NAV2: variants seen among roughly 807,000 people sequenced by gnomAD.
The protein encoded by NAV2 is helicase, APC down-regulated 1.
In NAV2, 54 loss-of-function variants were observed where a neutral mutation model predicts 223.2. That is an observed-to-expected ratio of 0.24 (90% CI 0.19 to 0.30). The LOEUF is 0.30. Ranked by LOEUF, NAV2 falls within the 10% of genes least tolerant of loss-of-function variation. The probability of loss-of-function intolerance (pLI) is 1.00; values close to 1 mark genes in which losing one functional copy is unlikely to be tolerated. For missense variants in NAV2, 2,806 were observed against 3,147.5 expected (o/e 0.89, Z 2.60); for synonymous variants, 1,279 against 1,239.3 (o/e 1.03, Z -0.67).
rs577602158 is a variant in NAV2 at position 19,932,344 on chromosome 11, G to T, written c.932-832G>T. Reference sequence around the variant, plus strand: ...GTGTTTTGGTTTTTTGGTTTGTTTGGTTTTTTTCTGAGACAGAGTCTCACT... The same window carrying T: ...GTGTTTTGGTTTTTTGGTTTGTTTGTTTTTTTTCTGAGACAGAGTCTCACT... On this transcript the variant is annotated intron_variant, in intron 6 of 37. Coordinates refer to ENST00000349880, the MANE Select transcript of NAV2 (RefSeq NM_145117.5). Among the ~76,000 whole-genome samples the T allele has an allele frequency of 1.5e-4, 23 of 151,064 alleles. No individual in the cohort carries two copies. In the South Asian group the frequency reaches 3.6e-3, roughly 23 times the overall value.
chr11:19,682,713 C>T (rs2048912769), intron 1 of NAV2, among the ~76,000 whole-genome samples: 1 of 151,938 alleles, frequency 6.6e-6, no homozygotes, highest in Non-Finnish European at 1.5e-5. Flanking sequence ...ACAGAGAGGG[C>T]AGAGATGCCA....
intron 1 of NAV2, among the ~76,000 whole-genome samples, chr11:19,789,847 G>A (rs1255187197): frequency 6.6e-6 from 1 of 152,174 alleles, no homozygotes; most frequent in Non-Finnish European, 1.5e-5. Context: ...GCATGGAGAA[G>A]TAATGAAGAT....
chr11:19,892,932 A>G (rs1012308357), intron 6 of NAV2, among the ~76,000 whole-genome samples: 2 of 152,170 alleles, frequency 1.3e-5, no homozygotes, highest in Non-Finnish European at 2.9e-5. Flanking sequence ...TCAGAAATGC[A>G]AGCTTCTTGG....
At chr11:19,603,356 A>G (rs2046397678) in intron 1 of NAV2, among the ~76,000 whole-genome samples, 1 of 152,156 alleles carries the variant, frequency 6.6e-6, no homozygotes, top group African/African-American at 2.4e-5. Flanking sequence ...GGCCAGGCAC[A>G]GTGGCTTATG....
chr11:20,045,165 G>T lies in NAV2; in HGVS notation c.3397G>T (p.Ala1133Ser), dbSNP rs1422182655. ...KKQSGSAAGLAMITASGVTVT... is the reference protein window; with the variant it reads ...KKQSGSAAGLSMITASGVTVT... ...GCAGAGTGGTTCCGCCGCCGGCCTG[G>T]CCATGATCACAGCCAGCGGGGTGAC... is the stretch of plus-strand genomic sequence containing the variant. The change falls in exon 14 of 38, where the codon GCC (alanine) becomes TCC (serine). Residue 1133 changes from alanine (A) to serine (S), a missense_variant. Transcript: ENST00000349880. 11 of 1,614,022 alleles carry T rather than the reference G, an allele frequency of 6.8e-6. No homozygotes were observed. The highest frequency in any genetic ancestry group is 8.5e-6 in the Non-Finnish European group (10 of 1,180,030).
intron 1 of NAV2, among the ~76,000 whole-genome samples, chr11:19,695,964 C>A (rs1231904210): frequency 1.3e-5 from 2 of 148,208 alleles, no homozygotes; most frequent in African/African-American, 4.9e-5. Context: ...CTGACTAAGG[C>A]CTTGTTCACT....
chr11:19,951,005 G>A (rs2047351531), intron 10 of NAV2, among the ~76,000 whole-genome samples: 1 of 152,200 alleles, frequency 6.6e-6, no homozygotes, highest in African/African-American at 2.4e-5. Context: ...AGCCCTCTCT[G>A]TAATGGAGGT....
At chr11:19,399,602 G>A (rs1018533464) in intron 1 of NAV2, among the ~76,000 whole-genome samples, 2 of 152,222 alleles carry the variant, frequency 1.3e-5, no homozygotes, top group African/African-American at 2.4e-5. Flanking sequence ...CATGCCCTCA[G>A]TACTGCAGGG....
At chr11:19,780,870 C>T (rs1175456891) in intron 1 of NAV2, among the ~76,000 whole-genome samples, 1 of 152,074 alleles carries the variant, frequency 6.6e-6, no homozygotes, top group Non-Finnish European at 1.5e-5. Flanking sequence ...GGGAAGTTAC[C>T]AGGACTGTTT....
At chr11:20,062,402 G>A in intron 20 of NAV2, 43 bp downstream of exon 20, 1 of 1,475,948 alleles carries the variant, frequency 6.8e-7, no homozygotes, top group Non-Finnish European at 9.3e-7. Context: ...CATGAGAACT[G>A]GGGTTCCTTT....
intron 11 of NAV2, among the ~76,000 whole-genome samples, chr11:19,994,399 T>C (rs756171044): frequency 6.6e-5 from 10 of 151,890 alleles, no homozygotes; most frequent in Non-Finnish European, 1.3e-4. Flanking sequence ...ATACAAAAAT[T>C]AGCTGGGCGT....
chr11:19,932,426 C>T (rs1009732561), intron 6 of NAV2, among the ~76,000 whole-genome samples: 5 of 152,172 alleles, frequency 3.3e-5, no homozygotes, highest in African/African-American at 4.8e-5. Flanking sequence ...ACCTCTACTT[C>T]TCCTGCCTCA....
In NAV2 at chr11:20,045,449, G is replaced by T. The variant is rs753455528; in HGVS notation, c.3681G>T (p.Val1227=). The T allele has an allele frequency of 6.2e-7, 1 of 1,614,180 alleles. No individual in the cohort carries two copies. The highest frequency in any genetic ancestry group is 8.5e-7 in the Non-Finnish European group (1 of 1,180,040). Residue 1227 remains valine, a synonymous_variant, in exon 14 of 38, where the codon GTG becomes GTT. Coordinates refer to ENST00000349880, the MANE Select transcript of NAV2 (RefSeq NM_145117.5). ...GCAGCAAGTCCGCAGGCCTGCCAGT[G>T]CCCAAACTGAGGGAGCCTTCCAAAA... is the stretch of plus-strand genomic sequence containing the variant. ...NISSKSAGLP[V]PKLREPSKTA...
intron 6 of NAV2, among the ~76,000 whole-genome samples, chr11:19,907,631 C>T (rs757749507): frequency 3.3e-5 from 5 of 151,928 alleles, no homozygotes; most frequent in East Asian, 1.9e-4. Flanking sequence ...CTAAAGTAGA[C>T]GAAAGAAGAT....
rs577307072 is a variant in NAV2, at chr11:19,464,150, C to A, written c.75+113123C>A. Among the ~76,000 whole-genome samples, 10 of 152,308 alleles carry A rather than the reference C, an allele frequency of 6.6e-5. No homozygotes were observed. In the East Asian group the frequency reaches 7.7e-4, roughly 12 times the overall value. On this transcript the variant is annotated intron_variant, in intron 1 of 37. Coordinates refer to the NAV2 transcript ENST00000360655. ...GAACCTGATTAGTGCTGGGCCAGAG[C>A]AGCCCAGAGCACCCGTTTCCATCAC...
chr11:19,407,994 C>A (rs1849974974), intron 1 of NAV2, among the ~76,000 whole-genome samples: 1 of 152,094 alleles, frequency 6.6e-6, no homozygotes, highest in East Asian at 1.9e-4. Context: ...TGTCGGCAAG[C>A]CCATTTATCA....
chr11:19,789,306 T>A (rs1256649476), intron 1 of NAV2, among the ~76,000 whole-genome samples: 1 of 152,228 alleles, frequency 6.6e-6, no homozygotes, highest in Non-Finnish European at 1.5e-5. Context: ...TGTAATAGTT[T>A]GTGAATGCTA....
At chr11:19,552,527 G>A (rs887420712) in intron 1 of NAV2, among the ~76,000 whole-genome samples, 1 of 151,974 alleles carries the variant, frequency 6.6e-6, no homozygotes, top group African/African-American at 2.4e-5. Context: ...CACCCAGACC[G>A]AGCAGAAGCT....
intron 6 of NAV2, among the ~76,000 whole-genome samples, chr11:19,921,876 G>A (rs1202630167): frequency 6.6e-6 from 1 of 152,200 alleles, no homozygotes; most frequent in African/African-American, 2.4e-5. Context: ...GGCATGCTCT[G>A]TAAATGTTGA....
Sources: allele counts gnomAD v4.1 joint callset (sites outside exome capture counted in the v4.1 genomes callset), GRCh38; gene constraint gnomAD v4.1.1; transcripts MANE v1.5; gene names NCBI Gene and HGNC (gene_info 2026-07-23, HGNC 2026-07-21).